Variants in ZNG1A observed in about 807,000 individuals in gnomAD.
ZNG1A encodes zinc-regulated GTPase metalloprotein activator 1A.
the ZNG1A span, among the ~76,000 whole-genome samples, chr9:140,142 G>C: frequency 6.9e-4 from 105 of 151,204 alleles, 1 homozygote; most frequent in Middle Eastern, 3.4e-3. Flanking sequence ...CGGGAAGCTC[G>C]AACTGGGTGG....
At chr9:172,901 G>T in the ZNG1A span, 6 of 301,978 alleles carry the variant, frequency 2.0e-5, no homozygotes, top group Non-Finnish European at 3.7e-5. Context: ...ATAACGTAAG[G>T]TTTTTCTCTT....
chr9:145,193 C>A, the ZNG1A span, among the ~76,000 whole-genome samples: 1 of 151,834 alleles, frequency 6.6e-6, no homozygotes, highest in African/African-American at 2.4e-5. Context: ...CATCCCATTA[C>A]TGGGTATATA....
At chr9:121,876 G>A in the ZNG1A span, 1 of 1,584,852 alleles carries the variant, frequency 6.3e-7, no homozygotes, top group Non-Finnish European at 8.6e-7. Flanking sequence ...GGACCTGAAT[G>A]GTTAATCTGT....
the ZNG1A span, among the ~76,000 whole-genome samples, chr9:131,950 T>C: frequency 1.5e-5 from 2 of 137,408 alleles, no homozygotes; most frequent in African/African-American, 5.9e-5. Context: ...CACCTACTCA[T>C]CTATAAGATT....
At chr9:149,105 C>T in the ZNG1A span, 2 of 150,358 alleles carry the variant, frequency 1.3e-5, no homozygotes, top group African/African-American at 2.5e-5. Context: ...CAAAACTAAT[C>T]ACATTTTCCA....
chr9:121,496 G>T, the ZNG1A span: 5 of 1,611,380 alleles, frequency 3.1e-6, no homozygotes, highest in Non-Finnish European at 8.5e-7. Flanking sequence ...TCTTGGAAAC[G>T]TGTTGTCCAC....
At chr9:136,861 G>A in the ZNG1A span, among the ~76,000 whole-genome samples, 2 of 152,022 alleles carry the variant, frequency 1.3e-5, no homozygotes, top group African/African-American at 2.4e-5. Flanking sequence ...AACGTAGCGA[G>A]AGCCTGTCAC....
chr9:141,663 A>T, the ZNG1A span, among the ~76,000 whole-genome samples: 1 of 151,590 alleles, frequency 6.6e-6, no homozygotes, highest in African/African-American at 2.4e-5. Context: ...CTAACATCAT[A>T]ATGACAGGAT....
At chr9:147,789 GGCCAA>G in the ZNG1A span, 2 of 147,326 alleles carry the variant, frequency 1.4e-5, no homozygotes, top group African/African-American at 5.3e-5. Flanking sequence ...CACTTTGGGA[GGCCAA>G]GGTGGGCGGA....
chr9:145,130 T>G, the ZNG1A span, among the ~76,000 whole-genome samples: 1 of 148,826 alleles, frequency 6.7e-6, no homozygotes, highest in African/African-American at 2.5e-5. Context: ...ATTGTGGAAG[T>G]CAGTGTGGCG....
chr9:128,718 G>A, the ZNG1A span, among the ~76,000 whole-genome samples: 1 of 150,198 alleles, frequency 6.7e-6, no homozygotes, highest in South Asian at 2.1e-4. Flanking sequence ...TTGCTGGTGA[G>A]CTAGTGGGAT....
the ZNG1A span, chr9:167,126 T>C: frequency 6.8e-4 from 102 of 149,240 alleles, 2 homozygotes; most frequent in African/African-American, 2.5e-3. Flanking sequence ...TTCAAGGAGG[T>C]AGGGAGAAAA....
the ZNG1A span, chr9:149,280 G>A: frequency 2.6e-5 from 4 of 150,960 alleles, no homozygotes; most frequent in African/African-American, 9.8e-5. Flanking sequence ...ATGTATCATG[G>A]CATTCAAGAC....
chr9:168,561 T>A, the ZNG1A span, among the ~76,000 whole-genome samples: 1 of 149,982 alleles, frequency 6.7e-6, no homozygotes, highest in Non-Finnish European at 1.5e-5. Context: ...CAGCAACAGA[T>A]TTTTAATGGA....
chr9:155,349 G>C, the ZNG1A span, among the ~76,000 whole-genome samples: 2 of 151,092 alleles, frequency 1.3e-5, no homozygotes, highest in Non-Finnish European at 3.0e-5. Context: ...CTACTTAGGA[G>C]GCTGAGGAGG....
the ZNG1A span, among the ~76,000 whole-genome samples, chr9:157,525 T>C: frequency 2.3e-4 from 31 of 134,490 alleles, 1 homozygote; most frequent in East Asian, 4.7e-3. Context: ...ATGAATTATA[T>C]ACATTTTTCT....
chr9:127,331 T>G, the ZNG1A span, among the ~76,000 whole-genome samples: 8 of 152,096 alleles, frequency 5.3e-5, no homozygotes, highest in Admixed American at 5.2e-4. Flanking sequence ...TTTAGGTCTA[T>G]TAGTAATTCT....
the ZNG1A span, among the ~76,000 whole-genome samples, chr9:130,132 T>G: frequency 6.6e-6 from 1 of 151,154 alleles, no homozygotes; most frequent in African/African-American, 2.5e-5. Flanking sequence ...ATGACTATAC[T>G]TATTTTTAAA....
chr9:140,729 G>A, the ZNG1A span, among the ~76,000 whole-genome samples: 2 of 152,170 alleles, frequency 1.3e-5, no homozygotes, highest in East Asian at 1.9e-4. Context: ...GGCTTCAGAC[G>A]ATCAAACTAC....
Sources: allele counts gnomAD v4.1 joint callset (sites outside exome capture counted in the v4.1 genomes callset), GRCh38; gene constraint gnomAD v4.1.1; transcripts MANE v1.5; gene names NCBI Gene and HGNC (gene_info 2026-07-23, HGNC 2026-07-21).